DCAF8L2: variants seen among roughly 807,000 people sequenced by gnomAD.
The protein encoded by DCAF8L2 is DDB1- and CUL4-associated factor 8-like protein 2.
For missense variants in DCAF8L2, 430 were observed against 490.7 expected (o/e 0.88, Z 1.17); for synonymous variants, 200 against 190.9 (o/e 1.05, Z -0.39).
At chrX:27,612,544 G>A (rs922578329) in intron 1 of DCAF8L2, among the ~76,000 whole-genome samples, 2 of 111,817 alleles carry the variant, frequency 1.8e-5, no homozygotes. Flanking sequence ...GAAAGGTATT[G>A]CCTAGGTTTT....
intron 1 of DCAF8L2, among the ~76,000 whole-genome samples, chrX:27,613,725 T>A (rs1198071258): frequency 1.8e-5 from 2 of 111,341 alleles, no homozygotes; most frequent in Non-Finnish European, 3.8e-5. Context: ...GGTTTTTGTC[T>A]TTGGTTCTGT....
At chrX:27,633,610 C>T (rs1473106288) in intron 2 of DCAF8L2, 2 of 111,381 alleles carry the variant, frequency 1.8e-5, no homozygotes, top group Non-Finnish European at 3.8e-5. Context: ...TTTCAAATCC[C>T]CAGGGCAGAC....
chrX:27,605,725 T>C (rs930085339), intron 1 of DCAF8L2, among the ~76,000 whole-genome samples: 1 of 111,878 alleles, frequency 8.9e-6, no homozygotes, highest in African/African-American at 3.3e-5. Flanking sequence ...AATCTTGTAC[T>C]TCATTTCAAA....
intron 4 of DCAF8L2, among the ~76,000 whole-genome samples, chrX:27,728,316 C>CTTGTTGTTG (rs60828124): frequency 2.7e-5 from 3 of 109,735 alleles, no homozygotes; most frequent in Admixed American, 9.8e-5. Flanking sequence ...AATTCAATGT[C>CTTGTTGTTG]TTGTTGTTGT....
the DCAF8L2 span, among the ~76,000 whole-genome samples, chrX:27,552,236 A>G: frequency 9.0e-6 from 1 of 111,330 alleles, no homozygotes; most frequent in Non-Finnish European, 1.9e-5. Context: ...TATTTTTCCC[A>G]TTCTGTAGGT....
intron 2 of DCAF8L2, among the ~76,000 whole-genome samples, chrX:27,672,939 A>G (rs1315087202): frequency 9.0e-6 from 1 of 110,968 alleles, no homozygotes; most frequent in Non-Finnish European, 1.9e-5. Flanking sequence ...CATTGAAGAA[A>G]GATGAAATTT....
the DCAF8L2 span, among the ~76,000 whole-genome samples, chrX:27,557,773 G>A: frequency 1.1e-5 from 1 of 94,937 alleles, no homozygotes; most frequent in Non-Finnish European, 2.3e-5. Context: ...TGGAAGAGCA[G>A]CAAGCCCTTC....
chrX:27,538,507 C>T, the DCAF8L2 span, among the ~76,000 whole-genome samples: 1 of 110,597 alleles, frequency 9.0e-6, no homozygotes, highest in Non-Finnish European at 1.9e-5. Context: ...GATTCTCCTG[C>T]CTCAGCCTCC....
intron 2 of DCAF8L2, among the ~76,000 whole-genome samples, chrX:27,657,263 G>A (rs1929389552): frequency 9.0e-6 from 1 of 111,129 alleles, no homozygotes; most frequent in African/African-American, 3.3e-5. Context: ...GAAAGGAGGG[G>A]TGAAAAATTG....
chrX:27,518,837 A>G, the DCAF8L2 span: 16 of 539,454 alleles, frequency 3.0e-5, no homozygotes, highest in Admixed American at 5.0e-5. Flanking sequence ...CTGAATATTT[A>G]TGAGCATGAT....
the DCAF8L2 span, among the ~76,000 whole-genome samples, chrX:27,525,101 C>T: frequency 2.7e-5 from 3 of 111,359 alleles, no homozygotes; most frequent in Admixed American, 9.5e-5. Context: ...CTTTCTGTCT[C>T]GTTGATCTGT....
At chrX:27,643,898 C>T (rs1313769900) in intron 2 of DCAF8L2, among the ~76,000 whole-genome samples, 1 of 111,520 alleles carries the variant, frequency 9.0e-6, no homozygotes, top group African/African-American at 3.3e-5. Flanking sequence ...ATATAGTGTT[C>T]CAAAACTATA....
chrX:27,548,849 A>C, the DCAF8L2 span, among the ~76,000 whole-genome samples: 1 of 112,072 alleles, frequency 8.9e-6, no homozygotes, highest in East Asian at 2.8e-4. Context: ...AACATCAGGA[A>C]GCTATGGTCA....
chrX:27,675,819 T>C (rs1037871817), intron 2 of DCAF8L2, among the ~76,000 whole-genome samples: 2 of 111,661 alleles, frequency 1.8e-5, no homozygotes, highest in African/African-American at 6.5e-5. Flanking sequence ...ACTGTCTTCC[T>C]GAGCTTCATG....
the DCAF8L2 span, among the ~76,000 whole-genome samples, chrX:27,512,779 CAAAAAAAAA>C: frequency 6.6e-3 from 123 of 18,534 alleles, 2 homozygotes; most frequent in African/African-American, 0.019. Context: ...CAATCTTGAG[CAAAAAAAAA>C]AAAAAAAAAA....
At chrX:27,612,517 G>T (rs1331303236) in intron 1 of DCAF8L2, among the ~76,000 whole-genome samples, 8 of 111,711 alleles carry the variant, frequency 7.2e-5, no homozygotes, top group Non-Finnish European at 1.5e-4. Flanking sequence ...TGAAGTCCTT[G>T]CCCATGCCTA....
At chrX:27,683,636 T>C (rs986336119) in intron 3 of DCAF8L2, among the ~76,000 whole-genome samples, 5 of 112,308 alleles carry the variant, frequency 4.5e-5, no homozygotes, top group African/African-American at 1.6e-4. Context: ...CTCAAGCTGC[T>C]GAAGGGGCTT....
chrX:27,492,368 A>C, the DCAF8L2 span, among the ~76,000 whole-genome samples: 7 of 111,737 alleles, frequency 6.3e-5, no homozygotes, highest in Non-Finnish European at 1.3e-4. Context: ...TCTTCTATAA[A>C]CCATCACCTA....
At chrX:27,549,267 C>T in the DCAF8L2 span, among the ~76,000 whole-genome samples, 10,677 of 110,942 alleles carry the variant, frequency 0.096, 405 homozygotes, top group Non-Finnish European at 0.12. Flanking sequence ...AACTAGGACA[C>T]TTCCAATGCA....
Sources: gnomAD v4.1 joint callset for allele counts (sites outside exome capture counted in the v4.1 genomes callset) on GRCh38, gnomAD v4.1.1 for gene constraint, MANE v1.5 for transcripts, NCBI Gene and HGNC (gene_info 2026-07-23, HGNC 2026-07-21) for gene names.